Variants in ZMYND8 observed in about 807,000 individuals in gnomAD.
The protein encoded by ZMYND8 is MYND-type zinc finger-containing chromatin reader ZMYND8.
Under a neutral mutation model 140.8 loss-of-function variants are expected in ZMYND8, and 37 were observed. The observed-to-expected ratio is 0.26, with a 90% confidence interval of 0.20 to 0.35. The LOEUF (loss-of-function observed/expected upper bound fraction) is 0.35. Ranked by LOEUF, ZMYND8 falls within the 10% of genes least tolerant of loss-of-function variation. The pLI, the probability that ZMYND8 is intolerant of heterozygous loss-of-function variation, is 1.00. For missense variants in ZMYND8, 1,068 were observed against 1,570.0 expected, an observed-to-expected ratio of 0.68 and a Z score of 5.40; for synonymous variants, 592 against 597.1, an observed-to-expected ratio of 0.99 and a Z score of 0.12.
At chr20:47,318,714 C>T (rs779931595) in intron 2 of ZMYND8, 13 of 458,546 alleles carry the variant, frequency 2.8e-5, no homozygotes, top group Admixed American at 2.3e-4. Flanking sequence ...CCAGAGCTGC[C>T]GGGCTGAGCC....
intron 3 of ZMYND8, among the ~76,000 whole-genome samples, chr20:47,302,568 G>A (rs1034548359): frequency 1.3e-5 from 2 of 152,026 alleles, no homozygotes; most frequent in Non-Finnish European, 2.9e-5. Context: ...CTGGTCCCAA[G>A]ATGAATAAGG....
intron 21 of ZMYND8, among the ~76,000 whole-genome samples, chr20:47,215,507 CTTTT>C (rs35634467): frequency 6.9e-6 from 1 of 143,986 alleles, no homozygotes; most frequent in African/African-American, 2.5e-5. Context: ...AATGAAACAA[CTTTT>C]TTTTTTTTTT....
In ZMYND8 at chr20:47,252,064, C is replaced by T. The variant is rs1030674930; in HGVS notation, c.1622-2625G>A. Among the ~76,000 whole-genome samples, 5 of 151,896 alleles carry T rather than the reference C, an allele frequency of 3.3e-5. No individual in the cohort carries two copies. In the South Asian group the frequency reaches 8.3e-4, roughly 25 times the overall value. ...AATCCAGCACTGTGGAAGGCCAAGG[C>T]GGGAGGATCACTTGAGGTCGGGGGT... On this transcript the variant is annotated intron_variant, in intron 12 of 22. Coordinates refer to ENST00000471951, the MANE Select transcript of ZMYND8 (RefSeq NM_001281775.3).
intron 2 of ZMYND8, among the ~76,000 whole-genome samples, chr20:47,342,846 CAAAAAAA>C (rs1041501318): frequency 3.7e-4 from 28 of 75,030 alleles, no homozygotes; most frequent in Non-Finnish European, 6.6e-4. Flanking sequence ...GACTACATCT[CAAAAAAA>C]AAAAAAAAAG....
Position 47,238,942 on chromosome 20 carries a change from C to A in ZMYND8, c.2481G>T (p.Pro827=). The A allele has an allele frequency of 6.2e-7, 1 of 1,613,782 alleles. No homozygotes were observed. Among genetic ancestry groups the A allele is most frequent in the Non-Finnish European group, 8.5e-7 (1 of 1,179,702 alleles). Residue 827 remains proline (P), a synonymous_variant, in exon 15 of 23, where the codon CCG becomes CCT. Coordinates refer to ENST00000471951, the MANE Select transcript of ZMYND8 (RefSeq NM_001281775.3). ...SPVKKQRPLL[P]KETAPAVQRV... ...GCTGCACGGCCGGGGCAGTCTCCTT[C>A]GGTAAAAGCGGCCTCTGCTTTTTCA...
At chr20:47,311,118 A>C (rs114781382) in intron 2 of ZMYND8, among the ~76,000 whole-genome samples, 3,426 of 152,322 alleles carry the variant, frequency 0.022, 123 homozygotes, top group African/African-American at 0.07. Context: ...TTCGTGTTTA[A>C]TAGGCTATGA....
intron 22 of ZMYND8, among the ~76,000 whole-genome samples, chr20:47,211,895 A>C (rs1176843776): frequency 6.6e-6 from 1 of 152,112 alleles, no homozygotes; most frequent in Non-Finnish European, 1.5e-5. Flanking sequence ...TGAGTTCTGG[A>C]AGATAAGCAG....
chr20:47,255,722 G>GTATGTA (rs1555924863), intron 12 of ZMYND8, among the ~76,000 whole-genome samples: 9 of 77,774 alleles, frequency 1.2e-4, no homozygotes, highest in Admixed American at 3.4e-4. Flanking sequence ...GTGTATGTGT[G>GTATGTA]TATATATATA....
At chr20:47,280,124 C>CAAAAAA (rs72091806) in intron 10 of ZMYND8, among the ~76,000 whole-genome samples, 1 of 90,874 alleles carries the variant, frequency 1.1e-5, no homozygotes. Context: ...GACTCTGCTC[C>CAAAAAA]AAAAAAAAAA....
intron 8 of ZMYND8, among the ~76,000 whole-genome samples, chr20:47,286,068 G>A (rs1022084020): frequency 5.3e-5 from 8 of 151,906 alleles, no homozygotes; most frequent in African/African-American, 1.9e-4. Context: ...AAATAGCCAG[G>A]CTAATTAATT....
intron 13 of ZMYND8, among the ~76,000 whole-genome samples, chr20:47,247,673 A>G (rs757294917): frequency 1.4e-4 from 22 of 152,250 alleles, no homozygotes; most frequent in Non-Finnish European, 2.9e-4. Context: ...ATTCTAGAGC[A>G]ATGGCCACTG....
chr20:47,214,242 CT>C (rs959029889), intron 21 of ZMYND8, among the ~76,000 whole-genome samples: 1 of 152,228 alleles, frequency 6.6e-6, no homozygotes, highest in African/African-American at 2.4e-5. Context: ...CTGAGGAAGT[CT>C]TTTTGCTTTG....
Position 47,246,319 on chromosome 20 carries a change from G to A in ZMYND8, c.1973C>T (p.Pro658Leu), listed in dbSNP as rs6066247. 1 of 1,614,092 alleles carries A rather than the reference G, an allele frequency of 6.2e-7. No individual in the cohort carries two copies. Among genetic ancestry groups the A allele is most frequent in the South Asian group, 1.1e-5 (1 of 91,060 alleles). Residue 658 changes from proline to leucine, a missense_variant, in exon 14 of 23, where the codon CCT becomes CTT. Pro to Leu is a moderately conservative substitution (Grantham distance 98). Around this residue, in one of 10 missense-constraint regions of ZMYND8, gnomAD observed 383 missense variants for 431.2 expected, o/e 0.89. Transcript: ENST00000471951. ...CTCTTTAATCTCCACTGGGTTTGTA[G>A]GCTTGGGCTTTTTTTTAACAGCAGA... ...EPSAVKKKPK[P>L]TNPVEIKEEL...
At chr20:47,255,475 G>A (rs1201283368) in intron 12 of ZMYND8, among the ~76,000 whole-genome samples, 9 of 150,826 alleles carry the variant, frequency 6.0e-5, no homozygotes, top group East Asian at 3.9e-4. Context: ...TTGGGAAGCC[G>A]AGGTGGAGAT....
At chr20:47,215,894 T>A (rs1015298914) in intron 21 of ZMYND8, among the ~76,000 whole-genome samples, 5 of 152,198 alleles carry the variant, frequency 3.3e-5, no homozygotes, top group Non-Finnish European at 7.3e-5. Context: ...TCACAGAACG[T>A]TCTATTGGAG....
chr20:47,313,483 G>T (rs550604802), intron 2 of ZMYND8, among the ~76,000 whole-genome samples: 2 of 151,904 alleles, frequency 1.3e-5, no homozygotes, highest in East Asian at 1.9e-4. Context: ...TTAGCCGGGC[G>T]TGGTGGCGGG....
At chr20:47,320,117 G>A (rs2079804568) in intron 2 of ZMYND8, 1 of 152,134 alleles carries the variant, frequency 6.6e-6, no homozygotes, top group African/African-American at 2.4e-5. Context: ...GGCGTCAGAG[G>A]GCAATTCAGA....
chr20:47,309,880 A>G (rs1219758301), intron 3 of ZMYND8, among the ~76,000 whole-genome samples, 176 bp downstream of exon 3: 1 of 152,088 alleles, frequency 6.6e-6, no homozygotes, highest in African/African-American at 2.4e-5. Flanking sequence ...AACCCACTGG[A>G]AATTTCTACA....
At chr20:47,234,524 C>G (rs13036754) in intron 16 of ZMYND8, among the ~76,000 whole-genome samples, 1 of 152,200 alleles carries the variant, frequency 6.6e-6, no homozygotes, top group Non-Finnish European at 1.5e-5. Flanking sequence ...CAAACCCTTG[C>G]AGACACCATG....
Sources: gnomAD v4.1 joint callset for allele counts (sites outside exome capture counted in the v4.1 genomes callset) on GRCh38, gnomAD v4.1.1 for gene constraint, gnomAD v4.1.1 regional missense constraint, MANE v1.5 for transcripts, NCBI Gene and HGNC (gene_info 2026-07-23, HGNC 2026-07-21) for gene names.